Variants in CPNE7 observed in about 807,000 individuals in gnomAD.
CPNE7 encodes copine 7.
CPNE7 carries 78 observed loss-of-function variants against 66.5 expected under a neutral mutation model. That is an observed-to-expected ratio of 1.17 (90% CI 0.98 to 1.42). The LOEUF (loss-of-function observed/expected upper bound fraction) is 1.42, where lower values mean the gene tolerates loss of function less well. Ranked by LOEUF, CPNE7 falls within the 40% of genes most tolerant of loss-of-function variation. The pLI, the probability that CPNE7 is intolerant of heterozygous loss-of-function variation, is 0.00. For synonymous variants in CPNE7, 468 were observed against 336.7 expected (o/e 1.39, Z -4.27); for missense variants, 1,012 against 776.6 (o/e 1.30, Z -3.60).
intron 7 of CPNE7, 115 bp from the exon 8 acceptor site, chr16:89,586,555 C>A (rs1249646118): frequency 2.5e-6 from 2 of 791,850 alleles, no homozygotes; most frequent in East Asian, 5.0e-5. Context: ...CCCTCCCCTC[C>A]CCTCCCCACC....
Position 89,576,047 on chromosome 16 carries a change from G to T in CPNE7, c.150G>T (p.Gln50His). 1.5e-6 allele frequency: 2 copies of T among 1,317,504 alleles called. No homozygotes were observed. The highest frequency in any genetic ancestry group is 1.9e-6 in the Non-Finnish European group (2 of 1,034,116). The allele number at this position is 1,317,504 out of a possible 1,614,324, so 81.6% of individuals were successfully genotyped here. A position where few individuals can be genotyped will look rare whatever the true frequency, so the allele number is the denominator to read the frequency against. Reference protein sequence around the residue: ...TKSDPSVALLQQAQGQWVQVG... With the variant: ...TKSDPSVALLHQAQGQWVQVG... Reference sequence around the variant, plus strand: ...CCGACCCCAGCGTGGCGTTGCTGCAGCAGGCGCAGGGCCAGTGGGTGCAGG... The same window carrying T: ...CCGACCCCAGCGTGGCGTTGCTGCATCAGGCGCAGGGCCAGTGGGTGCAGG... The change falls in exon 1 of 15, where the codon CAG becomes CAT. Residue 50 changes from glutamine to histidine, a missense_variant. Physicochemically the swap from Gln to His is conservative, Grantham distance 24 (BLOSUM62 0). Coordinates refer to ENST00000319518, the MANE Select transcript of CPNE7 (RefSeq NM_153636.3).
At chr16:89,588,191 G>GCCCCCGTGTCAGCCACAGATACACGGC in intron 9 of CPNE7, among the ~76,000 whole-genome samples, 1 of 22,868 alleles carries the variant, frequency 4.4e-5, no homozygotes, top group South Asian at 1.1e-3. Context: ...CAGATACACG[G>GCCCCCGTGTCAGCCACAGATACACGGC]CCCCCGTGTC....
intron 2 of CPNE7, among the ~76,000 whole-genome samples, chr16:89,583,185 G>A (rs992229789): frequency 1.8e-4 from 27 of 152,344 alleles, no homozygotes; most frequent in Admixed American, 1.6e-3. Context: ...AGGAGTGGGC[G>A]GTGGGGTCCT....
chr16:89,587,703 T>C (rs1458721052), intron 9 of CPNE7: 1 of 326,320 alleles, frequency 3.1e-6, no homozygotes, highest in South Asian at 2.1e-5. Flanking sequence ...GCACACCCCG[T>C]GTCACCCCCA....
intron 2 of CPNE7, among the ~76,000 whole-genome samples, chr16:89,581,154 CCCGTCACCCGTCACACGGAACATT>C (rs2058951744): frequency 1.3e-5 from 2 of 151,430 alleles, no homozygotes; most frequent in South Asian, 2.1e-4. Flanking sequence ...CATGGAACAT[CCCGTCACCCGTCACACGGAACATT>C]CCGTCTCCCG....
intron 10 of CPNE7, among the ~76,000 whole-genome samples, chr16:89,589,262 A>G (rs1186037354): frequency 1.3e-5 from 2 of 152,218 alleles, no homozygotes; most frequent in Non-Finnish European, 2.9e-5. Context: ...TTTGTACTCA[A>G]GCCTGGGTGA....
At chr16:89,583,921 C>T (rs576526147) in intron 3 of CPNE7, 107 bp from the exon 4 acceptor site, 3 of 1,474,118 alleles carry the variant, frequency 2.0e-6, no homozygotes, top group East Asian at 2.4e-5. Context: ...CAGACACCTC[C>T]TCTCAGGCCC....
At chr16:89,579,804 C>CCCA (rs202147410) in intron 2 of CPNE7, among the ~76,000 whole-genome samples, 4 of 110,764 alleles carry the variant, frequency 3.6e-5, no homozygotes, top group African/African-American at 9.4e-5. Context: ...CACGGAACAT[C>CCCA]TCACCCGTCA....
At chr16:89,577,517 C>T (rs1178342462) in intron 1 of CPNE7, 22 bp from the exon 2 acceptor site, 9 of 1,549,342 alleles carry the variant, frequency 5.8e-6, no homozygotes, top group African/African-American at 2.7e-5. Context: ...GGAGTGGGGT[C>T]GGCTCACAGG....
chr16:89,587,635 G>A (rs1179691335), intron 9 of CPNE7: 15 of 448,802 alleles, frequency 3.3e-5, no homozygotes, highest in East Asian at 2.1e-4. Flanking sequence ...CAAGGAGCCC[G>A]GCACAGACCC....
At chr16:89,592,113 A>C (rs113576853) in intron 13 of CPNE7, among the ~76,000 whole-genome samples, 1 of 146,258 alleles carries the variant, frequency 6.8e-6, no homozygotes, top group African/African-American at 2.6e-5. Flanking sequence ...GGTTCGCGCC[A>C]TTCTCCTGCC....
At chr16:89,578,626 G>T (rs183824116) in intron 2 of CPNE7, among the ~76,000 whole-genome samples, 43 of 151,940 alleles carry the variant, frequency 2.8e-4, no homozygotes, top group Non-Finnish European at 4.9e-4. Flanking sequence ...CGGGCATGGT[G>T]GCATGTGCCT....
chr16:89,584,038 A>T lies in CPNE7; in HGVS notation c.443A>T (p.Glu148Val), dbSNP rs772894474. 5 of 1,612,178 alleles carry T rather than the reference A, an allele frequency of 3.1e-6. No individual in the cohort carries two copies. Among genetic ancestry groups the T allele is most frequent in the Non-Finnish European group, 4.2e-6 (5 of 1,179,628 alleles). Reference sequence around the variant, plus strand: ...GCGTCCCCCTGCCAGGTGATCGCCGAGGACATCTCGGGGAACAACGGCTAC... The same window carrying T: ...GCGTCCCCCTGCCAGGTGATCGCCGTGGACATCTCGGGGAACAACGGCTAC... ...AGKSTITVIA[E>V]DISGNNGYVE... Residue 148 changes from glutamate (E) to valine (V), a missense_variant, in exon 4 of 15, where the codon GAG becomes GTG. Coordinates refer to ENST00000319518, the MANE Select transcript of CPNE7 (RefSeq NM_153636.3). This position sits in a 1 kb window ranked among gnomAD's most constrained non-coding sequence, Gnocchi z 6.0.
chr16:89,587,730 C>G lies in CPNE7; in HGVS notation c.927+628C>G, dbSNP rs201384159. On this transcript the variant is annotated intron_variant, in intron 9 of 14. Coordinates refer to ENST00000319518, the MANE Select transcript of CPNE7 (RefSeq NM_153636.3). ...TCACCCCCATAGCACCCCCGTGTCA[C>G]CCACAGATACACGGCCCCCGTGTCA... is the stretch of plus-strand genomic sequence containing the variant. 1.1e-3 allele frequency: 196 copies of G among 174,532 alleles called. 8 individuals carry two copies. Among genetic ancestry groups the G allele is most frequent in the Non-Finnish European group, 1.5e-3 (111 of 75,074 alleles). The allele number at this position is 174,532 out of a possible 1,614,324, so 10.8% of individuals were successfully genotyped here. A position where few individuals can be genotyped will look rare whatever the true frequency, so the allele number is the denominator to read the frequency against.
chr16:89,587,648 T>C (rs992694865), intron 9 of CPNE7: 3 of 445,302 alleles, frequency 6.7e-6, no homozygotes, highest in South Asian at 4.7e-5. Flanking sequence ...ACAGACCCCG[T>C]GTCACCCCCA....
intron 13 of CPNE7, among the ~76,000 whole-genome samples, chr16:89,592,481 T>C (rs1445813658): frequency 2.7e-5 from 4 of 149,374 alleles, no homozygotes; most frequent in Non-Finnish European, 5.9e-5. Context: ...AGAGTCCTGC[T>C]CTGTCACCCA....
intron 11 of CPNE7, among the ~76,000 whole-genome samples, chr16:89,590,260 C>G (rs1394341887): frequency 1.3e-5 from 2 of 152,202 alleles, no homozygotes; most frequent in African/African-American, 4.8e-5. Context: ...CGTGGTGGCT[C>G]ACGCCTGTAA....
At position 89,591,214 on chromosome 16, in the gene CPNE7, A is replaced by T; in HGVS notation, c.1256A>T (p.Lys419Met). 6.3e-7 allele frequency: 1 copy of T among 1,594,434 alleles called. No individual in the cohort carries two copies. Among genetic ancestry groups the T allele is most frequent in the Non-Finnish European group, 8.5e-7 (1 of 1,170,582 alleles). Residue 419 changes from lysine (K) to methionine (M), a missense_variant, in exon 13 of 15, where the codon AAG (lysine) becomes ATG (methionine). Transcript: ENST00000319518. ...ACCAACGTGGCGCCCATCATCTCCA[A>T]GGTGGCACGCGTGGCGGCGGCCGAG... ...GPTNVAPIIS[K>M]VARVAAAEES...
chr16:89,580,469 A>C (rs1355356751), intron 2 of CPNE7, among the ~76,000 whole-genome samples: 2 of 117,956 alleles, frequency 1.7e-5, no homozygotes, highest in Admixed American at 9.1e-5. Context: ...CATCTCACCC[A>C]TCACACGGAA....
Sources: gnomAD v4.1 joint callset for allele counts (sites outside exome capture counted in the v4.1 genomes callset) on GRCh38, gnomAD v4.1.1 for gene constraint, Gnocchi (gnomAD v3.1) non-coding constraint, MANE v1.5 for transcripts, NCBI Gene and HGNC (gene_info 2026-07-23, HGNC 2026-07-21) for gene names.